The following HS3ST5 variants were observed in gnomAD, a reference collection of about 807,000 sequenced individuals.
The protein encoded by HS3ST5 is heparan sulfate glucosamine 3-O-sulfotransferase 5.
In HS3ST5, 10 loss-of-function variants were observed where a neutral mutation model predicts 25.4. That is an observed-to-expected ratio of 0.39 (90% CI 0.24 to 0.67). The LOEUF (loss-of-function observed/expected upper bound fraction) is 0.67. HS3ST5 is among the 30% of genes least tolerant of loss of function. The pLI is 0.44. For synonymous variants in HS3ST5, 170 were observed against 162.4 expected (o/e 1.05, Z -0.36); for missense variants, 324 against 420.7 (o/e 0.77, Z 2.01).
At chr6:114,341,171 G>GGAGGGAGAGGGAGAGAGA (rs1776821663) in intron 1 of HS3ST5, among the ~76,000 whole-genome samples, 1 of 82,634 alleles carries the variant, frequency 1.2e-5, no homozygotes, top group Non-Finnish European at 2.3e-5. Flanking sequence ...GGGGAGGGAG[G>GGAGGGAGAGGGAGAGAGA]GAGGGAGAGG....
intron 2 of HS3ST5, among the ~76,000 whole-genome samples, chr6:114,213,033 G>A (rs1041399946): frequency 1.3e-5 from 2 of 152,152 alleles, no homozygotes; most frequent in Non-Finnish European, 2.9e-5. Flanking sequence ...CAGGTCACAC[G>A]AATGAATTGA....
intron 1 of HS3ST5, among the ~76,000 whole-genome samples, chr6:114,256,593 C>T (rs1562254828): frequency 6.6e-6 from 1 of 152,172 alleles, no homozygotes. Flanking sequence ...CACATTTACT[C>T]CAGTTGCCAA....
chr6:114,288,628 T>C (rs997530450), intron 1 of HS3ST5, among the ~76,000 whole-genome samples: 3 of 152,068 alleles, frequency 2.0e-5, no homozygotes, highest in African/African-American at 7.2e-5. Flanking sequence ...AGATGTATGA[T>C]ACCAGATCCA....
chr6:114,057,737 T>G lies in HS3ST5; in HGVS notation c.561A>C (p.Thr187=). The G allele has an allele frequency of 6.2e-7, 1 of 1,614,188 alleles. No individual in the cohort carries two copies. Among genetic ancestry groups the G allele is most frequent in the Non-Finnish European group, 8.5e-7 (1 of 1,180,032 alleles). The stretch of plus-strand genomic sequence containing the variant: ...CCTGAGTATAATCAGAAATAGCTCT[T>G]GTGGTTGGCTCCCTGACAATGATCA... ...KLLIIVREPT[T]RAISDYTQVL... The change falls in exon 5 of 5, where the codon ACA becomes ACC. Residue 187 remains threonine, a synonymous_variant. Coordinates refer to ENST00000312719, the MANE Select transcript of HS3ST5 (RefSeq NM_153612.4).
In HS3ST5 at chr6:114,310,985, G is replaced by A. The variant is rs560838486; in HGVS notation, c.-339+31210C>T. The stretch of plus-strand genomic sequence containing the variant: ...ATATAGCCAATGTCATCAAGATTAA[G>A]TTCAGGCTCAAGAATAAATACATTA... On this transcript the variant is annotated intron_variant, in intron 1 of 4. Coordinates refer to ENST00000312719, the MANE Select transcript of HS3ST5 (RefSeq NM_153612.4). Among the ~76,000 whole-genome samples, 3 of 152,234 alleles carry A rather than the reference G, an allele frequency of 2.0e-5. No individual in the cohort carries two copies. In the East Asian group the frequency reaches 5.8e-4, roughly 29 times the overall value.
chr6:114,282,862 ATAATCTCTCAACT>A (rs1198366458), intron 1 of HS3ST5, among the ~76,000 whole-genome samples: 1 of 152,028 alleles, frequency 6.6e-6, no homozygotes, highest in African/African-American at 2.4e-5. Flanking sequence ...CACATGCAAA[ATAATCTCTCAACT>A]AAAGTTTCTC....
chr6:114,248,217 AATATATAT>A (rs34339841), intron 1 of HS3ST5, among the ~76,000 whole-genome samples: 1 of 143,152 alleles, frequency 7.0e-6, no homozygotes, highest in South Asian at 2.2e-4. Flanking sequence ...TGAAAAAAAA[AATATATAT>A]ATATATATAT....
At chr6:114,134,620 C>T (rs1035707081) in intron 3 of HS3ST5, among the ~76,000 whole-genome samples, 6 of 152,124 alleles carry the variant, frequency 3.9e-5, no homozygotes, top group Admixed American at 6.5e-5. Flanking sequence ...TCGGGCCTTA[C>T]CCCAGAGATT....
chr6:114,161,524 TA>T (rs1562220853), intron 3 of HS3ST5, among the ~76,000 whole-genome samples: 11 of 16,284 alleles, frequency 6.8e-4, no homozygotes, highest in African/African-American at 1.8e-3. Context: ...TGAAGTTTTA[TA>T]TATATATATA....
At chr6:114,284,936 G>A (rs1263016721) in intron 1 of HS3ST5, among the ~76,000 whole-genome samples, 1 of 151,992 alleles carries the variant, frequency 6.6e-6, no homozygotes, top group East Asian at 1.9e-4. Flanking sequence ...CAGCTCATTT[G>A]TCTATATAAT....
intron 1 of HS3ST5, among the ~76,000 whole-genome samples, chr6:114,234,030 A>G (rs1771736596): frequency 6.6e-6 from 1 of 152,180 alleles, no homozygotes; most frequent in Non-Finnish European, 1.5e-5. Context: ...GTAGCCAGAT[A>G]ATGTTTTCCA....
chr6:114,122,261 C>T (rs1242133309), intron 3 of HS3ST5, among the ~76,000 whole-genome samples: 2 of 152,200 alleles, frequency 1.3e-5, no homozygotes, highest in Non-Finnish European at 2.9e-5. Context: ...TCCTTTGAGG[C>T]TGACCTTTGG....
intron 3 of HS3ST5, among the ~76,000 whole-genome samples, chr6:114,129,251 CTTTTT>C (rs398048772): frequency 5.1e-5 from 5 of 98,044 alleles, no homozygotes; most frequent in African/African-American, 1.5e-4. Context: ...CAACAAGAAC[CTTTTT>C]TTTTTTTTTT....
At chr6:114,170,168 TTTA>T (rs1441882385) in intron 2 of HS3ST5, among the ~76,000 whole-genome samples, 2 of 152,260 alleles carry the variant, frequency 1.3e-5, no homozygotes, top group Non-Finnish European at 1.5e-5. Context: ...TTTACAAACA[TTTA>T]TTAAGTGTCA....
chr6:114,337,288 C>T (rs1330417167), intron 1 of HS3ST5, among the ~76,000 whole-genome samples: 1 of 152,162 alleles, frequency 6.6e-6, no homozygotes, highest in African/African-American at 2.4e-5. Context: ...TGCTCTGCTT[C>T]AGTACATGCA....
intron 3 of HS3ST5, among the ~76,000 whole-genome samples, chr6:114,064,439 AG>A (rs1290204477): frequency 6.6e-6 from 1 of 152,206 alleles, no homozygotes. Flanking sequence ...TGTTGGGAAA[AG>A]AAAATTAAGG....
intron 1 of HS3ST5, among the ~76,000 whole-genome samples, chr6:114,272,742 C>A (rs1773687838): frequency 6.6e-6 from 1 of 151,986 alleles, no homozygotes; most frequent in Non-Finnish European, 1.5e-5. Flanking sequence ...CAGGGCAGGG[C>A]AATTACTGAG....
intron 1 of HS3ST5, among the ~76,000 whole-genome samples, chr6:114,277,367 T>C (rs1426914547): frequency 6.6e-6 from 1 of 150,934 alleles, no homozygotes; most frequent in Non-Finnish European, 1.5e-5. Flanking sequence ...ATATTTCTTT[T>C]GCTTCTTTAC....
intron 3 of HS3ST5, among the ~76,000 whole-genome samples, chr6:114,072,885 T>C (rs1320190189): frequency 6.6e-6 from 1 of 152,202 alleles, no homozygotes; most frequent in Non-Finnish European, 1.5e-5. Context: ...GCTGCCTGAC[T>C]TCAAACTATA....
Sources: allele counts gnomAD v4.1 joint callset (sites outside exome capture counted in the v4.1 genomes callset), GRCh38; gene constraint gnomAD v4.1.1; transcripts MANE v1.5; gene names NCBI Gene and HGNC (gene_info 2026-07-23, HGNC 2026-07-21).